The following DGKB variants were observed in gnomAD, a reference collection of about 807,000 sequenced individuals.
DGKB encodes the protein 90 kDa diacylglycerol kinase.
DGKB carries 67 observed loss-of-function variants against 114.3 expected under a neutral mutation model. The observed-to-expected ratio is 0.59, with a 90% confidence interval of 0.48 to 0.72. The LOEUF is 0.72. Among genes scored for constraint, DGKB ranks in the 30% least tolerant of loss-of-function variants. The pLI is 0.00. For missense variants in DGKB, 907 were observed against 975.2 expected (o/e 0.93, Z 0.93); for synonymous variants, 398 against 323.1 (o/e 1.23, Z -2.49).
intron 21 of DGKB, among the ~76,000 whole-genome samples, chr7:14,415,535 C>G (rs1334892015): frequency 6.7e-6 from 1 of 150,298 alleles, no homozygotes; most frequent in African/African-American, 2.5e-5. Flanking sequence ...GTTTTTTGTT[C>G]TTGCGATAGT....
chr7:14,515,140 G>T (rs995389617), intron 20 of DGKB, among the ~76,000 whole-genome samples: 1 of 152,146 alleles, frequency 6.6e-6, no homozygotes, highest in African/African-American at 2.4e-5. Context: ...ACTAACAATT[G>T]TTAGGTTTAG....
intron 1 of DGKB, among the ~76,000 whole-genome samples, chr7:14,885,866 A>G (rs190284020): frequency 1.8e-3 from 279 of 152,058 alleles, no homozygotes; most frequent in African/African-American, 6.2e-3. Context: ...TCACTGTGCT[A>G]AACAATTGTA....
chr7:14,919,434 T>C (rs1784412024), intron 1 of DGKB, among the ~76,000 whole-genome samples: 1 of 152,132 alleles, frequency 6.6e-6, no homozygotes, highest in Non-Finnish European at 1.5e-5. Context: ...AATGTATACA[T>C]ACATACATGT....
At chr7:14,198,890 AAAT>A (rs1418075660) in intron 23 of DGKB, among the ~76,000 whole-genome samples, 5 of 152,062 alleles carry the variant, frequency 3.3e-5, no homozygotes, top group Non-Finnish European at 5.9e-5. Context: ...AGAAATATTT[AAAT>A]AATTTAACAT....
chr7:14,175,001 C>A (rs6949550), intron 25 of DGKB, among the ~76,000 whole-genome samples: 65,707 of 151,990 alleles, frequency 0.43, 15,608 homozygotes, highest in African/African-American at 0.63. Context: ...TTATACACAA[C>A]GTTTGAGCCA....
intron 2 of DGKB, among the ~76,000 whole-genome samples, chr7:14,837,993 T>C (rs986357243): frequency 6.6e-6 from 1 of 152,174 alleles, no homozygotes; most frequent in Non-Finnish European, 1.5e-5. Flanking sequence ...ATTTGTCTTC[T>C]CATAGAATCC....
intron 5 of DGKB, 103 bp from the exon 6 acceptor site, chr7:14,718,788 T>C (rs1178378054): frequency 1.3e-5 from 11 of 876,120 alleles, no homozygotes; most frequent in Non-Finnish European, 8.6e-6. Flanking sequence ...TAGAAATTTA[T>C]ATTTTTTAGG....
intron 25 of DGKB, among the ~76,000 whole-genome samples, chr7:14,157,440 A>G (rs901230100): frequency 6.6e-6 from 1 of 150,410 alleles, no homozygotes; most frequent in Admixed American, 6.6e-5. Context: ...GTTTAATGTT[A>G]AAGTCTTCGA....
chr7:14,714,948 C>A (rs1827954546), intron 6 of DGKB, among the ~76,000 whole-genome samples: 1 of 152,220 alleles, frequency 6.6e-6, no homozygotes. Context: ...ACCTAACATG[C>A]ATTTATGGGA....
intron 21 of DGKB, among the ~76,000 whole-genome samples, chr7:14,409,424 G>GAATTGTTTGATATGT (rs1583716004): frequency 2.7e-5 from 2 of 75,002 alleles, no homozygotes; most frequent in African/African-American, 7.9e-5. Flanking sequence ...AGAAAAAGTT[G>GAATTGTTTGATATGT]AGGCCGGGCG....
intron 23 of DGKB, among the ~76,000 whole-genome samples, chr7:14,196,809 T>A (rs932164786): frequency 2.6e-5 from 4 of 151,780 alleles, no homozygotes; most frequent in Admixed American, 1.3e-4. Context: ...AAAAAAAAAA[T>A]AAGCCCTTGT....
intron 19 of DGKB, among the ~76,000 whole-genome samples, chr7:14,574,822 C>T (rs527295048): frequency 5.3e-5 from 8 of 152,236 alleles, no homozygotes; most frequent in South Asian, 2.1e-4. Flanking sequence ...CACCTTTTCC[C>T]GTCTAGTGAT....
chr7:14,815,419 T>C (rs1040193456), intron 2 of DGKB, among the ~76,000 whole-genome samples: 4 of 152,256 alleles, frequency 2.6e-5, no homozygotes, highest in African/African-American at 9.6e-5. Flanking sequence ...GGATATCTTT[T>C]GGCAAATCCA....
chr7:14,571,215 G>C (rs1798333304), intron 20 of DGKB, among the ~76,000 whole-genome samples: 1 of 152,196 alleles, frequency 6.6e-6, no homozygotes, highest in African/African-American at 2.4e-5. Flanking sequence ...TCTAATTAGT[G>C]ATATTTCAGA....
chr7:14,521,609 A>G (rs960186383), intron 20 of DGKB, among the ~76,000 whole-genome samples: 1 of 152,094 alleles, frequency 6.6e-6, no homozygotes, highest in Non-Finnish European at 1.5e-5. Context: ...TGTTTAATTT[A>G]AAGTAATTGT....
Position 14,146,858 on chromosome 7 carries a change from T to C in DGKB, c.*2273A>G, listed in dbSNP as rs149739412. ...CATCCCATTATTTCAATCATTGAAA[T>C]CTTATAAGCAGGTTGTTTAATTTGT... On this transcript the variant is annotated 3_prime_UTR_variant, in exon 26 of 26. Coordinates refer to ENST00000402815, the MANE Select transcript of DGKB (RefSeq NM_001350709.2). 6.6e-6 allele frequency: 1 copy of C among 152,244 alleles called. No individual in the cohort carries two copies. The highest frequency in any genetic ancestry group is 1.9e-4 in the East Asian group (1 of 5,180). The allele number at this position is 152,244 out of a possible 1,614,324, so 9.4% of individuals were successfully genotyped here.
At chr7:14,400,784 A>G (rs1822984399) in intron 21 of DGKB, among the ~76,000 whole-genome samples, 1 of 151,644 alleles carries the variant, frequency 6.6e-6, no homozygotes. Context: ...ATGTGGCTTA[A>G]GGACATATTT....
At chr7:14,217,497 T>A (rs2128317344) in intron 23 of DGKB, among the ~76,000 whole-genome samples, 1 of 152,172 alleles carries the variant, frequency 6.6e-6, no homozygotes, top group South Asian at 2.1e-4. Flanking sequence ...GGACAAGTGT[T>A]CTCAACTATT....
intron 1 of DGKB, among the ~76,000 whole-genome samples, chr7:14,957,666 T>G (rs562890893): frequency 6.6e-6 from 1 of 152,214 alleles, no homozygotes; most frequent in South Asian, 2.1e-4. Context: ...CATATAAGAC[T>G]GCCACAATGT....
Sources: allele counts gnomAD v4.1 joint callset (sites outside exome capture counted in the v4.1 genomes callset), GRCh38; gene constraint gnomAD v4.1.1; transcripts MANE v1.5; gene names NCBI Gene and HGNC (gene_info 2026-07-23, HGNC 2026-07-21).